Variants in ZNF268 observed in about 807,000 individuals in gnomAD.
ZNF268 encodes the protein zinc finger protein 3.
ZNF268 carries 20 observed loss-of-function variants against 29.3 expected under a neutral mutation model. The ratio of observed to expected loss-of-function variants is 0.68; its 90% CI spans 0.48 to 0.99. The LOEUF is 0.99. Ranked by LOEUF, ZNF268 falls within the 50% of genes least tolerant of loss-of-function variation. The pLI, the probability that ZNF268 is intolerant of heterozygous loss-of-function variation, is 0.00. For missense variants in ZNF268, 1,240 were observed against 1,121.6 expected (o/e 1.11, Z -1.51); for synonymous variants, 429 against 376.9 (o/e 1.14, Z -1.60).
intron 5 of ZNF268, among the ~76,000 whole-genome samples, chr12:133,194,140 C>T (rs936679723): frequency 1.3e-5 from 2 of 152,136 alleles, no homozygotes; most frequent in South Asian, 2.1e-4. Context: ...ATTCATTGTA[C>T]TCTTTTTATA....
Position 133,203,620 on chromosome 12 carries a change from G to A in ZNF268, c.1934G>A (p.Cys645Tyr). The A allele has an allele frequency of 6.4e-7, 1 of 1,568,088 alleles. No individual in the cohort carries two copies. Residue 645 changes from cysteine to tyrosine, a missense_variant, in exon 6 of 6, where the codon TGT becomes TAT. By Grantham distance (194) the Cys-to-Tyr change is radical. Around this residue, in one of 3 missense-constraint regions of ZNF268, gnomAD observed 1,177 missense variants for 1,039.6 expected, o/e 1.13. Coordinates refer to ENST00000536435, the MANE Select transcript of ZNF268 (RefSeq NM_003415.3). The part of the protein sequence containing the change: ...TGEKPYSCNE[C>Y]GKAFTFKSQL... ...GAGAAACCCTATAGTTGTAATGAAT[G>A]TGGAAAAGCCTTTACGTTCAAATCA...
At chr12:133,191,870 T>G in intron 4 of ZNF268, 38 bp from the exon 5 acceptor site, 1 of 1,596,480 alleles carries the variant, frequency 6.3e-7, no homozygotes, top group Non-Finnish European at 8.6e-7. Context: ...AATCTCAAGC[T>G]GTTTGTTCCA....
Position 133,203,574 on chromosome 12 carries a change from C to A in ZNF268, c.1888C>A (p.His630Asn). 1 of 1,566,238 alleles carries A rather than the reference C, an allele frequency of 6.4e-7. No homozygotes were observed. The highest frequency in any genetic ancestry group is 8.6e-7 in the Non-Finnish European group (1 of 1,159,000). Residue 630 changes from histidine to asparagine, a missense_variant, in exon 6 of 6, where the codon CAT (histidine) becomes AAT (asparagine). Coordinates refer to ENST00000536435, the MANE Select transcript of ZNF268 (RefSeq NM_003415.3). ...AFNTKSNLIV[H>N]QRTHTGEKPY... ...TAATACAAAGTCAAACCTGATTGTA[C>A]ATCAGAGAACTCATACAGGAGAGAA...
At chr12:133,184,707 C>T (rs1956264155) in intron 2 of ZNF268, 2 of 451,650 alleles carry the variant, frequency 4.4e-6, no homozygotes, top group Admixed American at 2.4e-5. Flanking sequence ...ACGTCTGCTT[C>T]CCGAGTTCAA....
Position 133,204,029 on chromosome 12 carries a change from G to A in ZNF268, c.2343G>A (p.Gly781=). Residue 781 remains glycine, a synonymous_variant, in exon 6 of 6, where the codon GGG becomes GGA. Coordinates refer to ENST00000536435, the MANE Select transcript of ZNF268 (RefSeq NM_003415.3). ...QRTHAGEKPY[G]CSECGKAFSS... Reference sequence around the variant, plus strand: ...CTCATGCAGGGGAAAAGCCTTATGGGTGCAGTGAATGTGGGAAAGCTTTTA... The same window carrying A: ...CTCATGCAGGGGAAAAGCCTTATGGATGCAGTGAATGTGGGAAAGCTTTTA... 4 of 1,572,286 alleles carry A rather than the reference G, an allele frequency of 2.5e-6. No homozygotes were observed. The highest frequency in any genetic ancestry group is 3.4e-6 in the Non-Finnish European group (4 of 1,162,152).
chr12:133,197,611 A>C (rs535256966), intron 5 of ZNF268, among the ~76,000 whole-genome samples: 8,157 of 152,222 alleles, frequency 0.054, 722 homozygotes, highest in African/African-American at 0.19. Context: ...AGGAATTGCC[A>C]CACTGACTTC....
chr12:133,190,827 T>G (rs967814150), intron 3 of ZNF268, among the ~76,000 whole-genome samples: 1 of 152,210 alleles, frequency 6.6e-6, no homozygotes, highest in South Asian at 2.1e-4. Flanking sequence ...TAACTGTTCT[T>G]CATTCTGCAG....
At position 133,203,198 on chromosome 12, in the gene ZNF268, A is replaced by G. The variant is rs757506688; in HGVS notation, c.1512A>G (p.Glu504=). The G allele has an allele frequency of 1.3e-5, 20 of 1,537,766 alleles. No homozygotes were observed. The African/African-American group carries it at 2.6e-4, about 20-fold the overall frequency. Residue 504 remains glutamate (E), a synonymous_variant, in exon 6 of 6, where the codon GAA becomes GAG. Transcript: ENST00000536435. ...GAATGAAACCTTATGTATGCAATGA[A>G]TGTGGCAAAGCCTTCAGGAGCAAGT... ...HTGMKPYVCN[E]CGKAFRSKSY...
rs1956827992 is a variant in ZNF268 at position 133,203,950 on chromosome 12, G to A, written c.2264G>A (p.Ser755Asn). The change falls in exon 6 of 6, where the codon AGT becomes AAT. Residue 755 changes from serine (S) to asparagine (N), a missense_variant. Transcript: ENST00000536435. Reference protein sequence around the residue: ...IHTGENPYECSECGKAFNRKD... With the variant: ...IHTGENPYECNECGKAFNRKD... ...ACAGGAGAAAATCCCTATGAATGCA[G>A]TGAATGTGGGAAAGCCTTTAATAGG... The A allele has an allele frequency of 6.3e-7, 1 of 1,594,186 alleles. No individual in the cohort carries two copies.
At chr12:133,188,946 T>G (rs1176905716) in intron 3 of ZNF268, among the ~76,000 whole-genome samples, 1 of 152,180 alleles carries the variant, frequency 6.6e-6, no homozygotes, top group African/African-American at 2.4e-5. Context: ...TAATGATTTT[T>G]GTGTCCTATT....
At chr12:133,199,137 G>GT (rs901411517) in intron 5 of ZNF268, among the ~76,000 whole-genome samples, 3 of 152,162 alleles carry the variant, frequency 2.0e-5, no homozygotes, top group African/African-American at 7.2e-5. Flanking sequence ...AATGCTTCTA[G>GT]TTTTTGCCCA....
chr12:133,192,387 C>T lies in ZNF268; in HGVS notation c.457+384C>T, dbSNP rs1000303086. 5.3e-5 allele frequency among the ~76,000 whole-genome samples: 8 copies of T among 152,114 alleles called. No individual in the cohort carries two copies. The Middle Eastern group carries it at 0.01, about 194-fold the overall frequency. On this transcript the variant is annotated intron_variant, in intron 5 of 5. Coordinates refer to ENST00000536435, the MANE Select transcript of ZNF268 (RefSeq NM_003415.3). ...TCTCCTAAAGTGCTGGGATTACAGG[C>T]GTGAGCCAGCGTGCCCGGCCTTACC...
chr12:133,210,650 T>C lies in ZNF268; in HGVS notation c.*6120T>C, dbSNP rs1956963892. On this transcript the variant is annotated 3_prime_UTR_variant, in exon 6 of 6. Transcript: ENST00000536435. ...CATCACTGTGAAGTGCCCTCGGGGG[T>C]CTCCGGGTCCTGAGTAGAAGCAAGG... 2.9e-6 allele frequency: 1 copy of C among 348,340 alleles called. No homozygotes were observed. The highest frequency in any genetic ancestry group is 2.2e-5 in the African/African-American group (1 of 45,752). The allele number at this position is 348,340 out of a possible 1,614,324, so 21.6% of individuals were successfully genotyped here. A position where few individuals can be genotyped will look rare whatever the true frequency, so the allele number is the denominator to read the frequency against.
At position 133,205,159 on chromosome 12, in the gene ZNF268, AAAAAAAAAAAAAAACC is replaced by A. The variant is rs1956871939; in HGVS notation, c.*632_*647del. ...AGCTTCATTCTAAAAAAAAAAAAAA[AAAAAAAAAAAAAAACC>A]AACCTGTTATTATATCTTAATATTA... On this transcript the variant is annotated 3_prime_UTR_variant, in exon 6 of 6. Transcript: ENST00000536435. 1 of 133,760 alleles carries A rather than the reference AAAAAAAAAAAAAAACC, an allele frequency of 7.5e-6. No homozygotes were observed. The highest frequency in any genetic ancestry group is 1.6e-5 in the Non-Finnish European group (1 of 61,568). The allele number at this position is 133,760 out of a possible 1,614,324, so 8.3% of individuals were successfully genotyped here. A position where few individuals can be genotyped will look rare whatever the true frequency, so the allele number is the denominator to read the frequency against.
At position 133,204,006 on chromosome 12, in the gene ZNF268, C is replaced by A; in HGVS notation, c.2320C>A (p.His774Asn). The change falls in exon 6 of 6, where the codon CAT becomes AAT. Residue 774 changes from histidine to asparagine, a missense_variant. Coordinates refer to ENST00000536435, the MANE Select transcript of ZNF268 (RefSeq NM_003415.3). ...KDQLISHQRT[H>N]AGEKPYGCSE... ...CCAGCTCATTTCACATCAGCGAACT[C>A]ATGCAGGGGAAAAGCCTTATGGGTG... 6.3e-7 allele frequency: 1 copy of A among 1,580,128 alleles called. No individual in the cohort carries two copies. The highest frequency in any genetic ancestry group is 1.8e-5 in the Admixed American group (1 of 55,064).
At chr12:133,190,805 C>T (rs1235744698) in intron 3 of ZNF268, among the ~76,000 whole-genome samples, 2 of 152,028 alleles carry the variant, frequency 1.3e-5, no homozygotes, top group Admixed American at 1.3e-4. Context: ...CTTTCAGTTG[C>T]ATTTGCATAT....
chr12:133,202,474 A>T lies in ZNF268; in HGVS notation c.788A>T (p.Gln263Leu). Residue 263 changes from glutamine to leucine, a missense_variant, in exon 6 of 6, where the codon CAA (glutamine) becomes CTA (leucine). By Grantham distance (113) the Gln-to-Leu change is moderately radical. This residue lies in a region of ZNF268 where 1,177 missense variants were observed against 1,039.6 expected (regional missense o/e 1.13). Transcript: ENST00000536435. ...ESGKTVNKKS[Q>L]LMCQQMYMGE... The stretch of plus-strand genomic sequence containing the variant: ...GGAAAAACCGTCAATAAGAAATCGC[A>T]ACTTATGTGCCAACAAATGTATATG... The T allele has an allele frequency of 6.2e-7, 1 of 1,612,272 alleles. No individual in the cohort carries two copies. Among genetic ancestry groups the T allele is most frequent in the Non-Finnish European group, 8.5e-7 (1 of 1,179,042 alleles).
At chr12:133,186,912 A>C (rs546883550) in intron 2 of ZNF268, among the ~76,000 whole-genome samples, 12 of 152,284 alleles carry the variant, frequency 7.9e-5, no homozygotes, top group Non-Finnish European at 1.2e-4. Flanking sequence ...TGTAACACAA[A>C]AGCTAGCTTT....
At position 133,202,887 on chromosome 12, in the gene ZNF268, T is replaced by C. The variant is rs1593924442; in HGVS notation, c.1201T>C (p.Ser401Pro). ...ATGTGGGAAAGCTTTTGGTTTAAAA[T>C]CACAGCTCATTATACATGAAAGAAT... ...NECGKAFGLK[S>P]QLIIHERIHT... is the part of the protein sequence containing the mutation. The change falls in exon 6 of 6, where the codon TCA becomes CCA. Residue 401 changes from serine (S) to proline (P), a missense_variant. Transcript: ENST00000536435. The C allele has an allele frequency of 6.4e-7, 1 of 1,554,962 alleles. No individual in the cohort carries two copies. Among genetic ancestry groups the C allele is most frequent in the Non-Finnish European group, 8.7e-7 (1 of 1,153,800 alleles).
Sources: gnomAD v4.1 joint callset for allele counts (sites outside exome capture counted in the v4.1 genomes callset) on GRCh38, gnomAD v4.1.1 for gene constraint, gnomAD v4.1.1 regional missense constraint, MANE v1.5 for transcripts, NCBI Gene and HGNC (gene_info 2026-07-23, HGNC 2026-07-21) for gene names.